MARCHF1: variants seen among roughly 807,000 people sequenced by gnomAD.
MARCHF1 encodes the protein membrane associated ring-CH-type finger 1.
In MARCHF1, 40 loss-of-function variants were observed where a neutral mutation model predicts 54.2. That is an observed-to-expected ratio of 0.74 (90% confidence interval 0.57 to 0.96). MARCHF1 has a LOEUF of 0.96. MARCHF1 is among the 40% of genes least tolerant of loss of function. MARCHF1 has a pLI of 0.00. For synonymous variants in MARCHF1, 236 were observed against 236.3 expected (o/e 1.00, Z 0.01); for missense variants, 586 against 656.5 (o/e 0.89, Z 1.17).
At chr4:163,991,609 A>G (rs1752968713) in intron 2 of MARCHF1, among the ~76,000 whole-genome samples, 2 of 152,180 alleles carry the variant, frequency 1.3e-5, no homozygotes, top group Non-Finnish European at 2.9e-5. Context: ...CCAGCAACTG[A>G]GCACTGACAG....
At chr4:164,186,010 A>G (rs951936487) in intron 1 of MARCHF1, among the ~76,000 whole-genome samples, 16 of 152,146 alleles carry the variant, frequency 1.1e-4, no homozygotes, top group African/African-American at 3.1e-4. Context: ...CTCCTGCCTC[A>G]GCCTCCAGAG....
intron 1 of MARCHF1, among the ~76,000 whole-genome samples, chr4:164,333,831 C>T (rs766517730): frequency 2.6e-5 from 4 of 152,134 alleles, no homozygotes; most frequent in African/African-American, 9.7e-5. Flanking sequence ...AAACAAGTTG[C>T]GAATGCAAAG....
chr4:163,790,334 G>A, intron 4 of MARCHF1, among the ~76,000 whole-genome samples: 1 of 152,024 alleles, frequency 6.6e-6, no homozygotes, highest in East Asian at 1.9e-4. Flanking sequence ...AATGGTAGTG[G>A]CTCTTTTAAA....
intron 4 of MARCHF1, among the ~76,000 whole-genome samples, chr4:163,848,928 C>T (rs562664136): frequency 6.0e-4 from 92 of 152,146 alleles, no homozygotes; most frequent in Non-Finnish European, 1.2e-3. Flanking sequence ...CATAAAACGG[C>T]GGTGAGACTG....
At chr4:164,186,693 G>T (rs1186915413) in intron 1 of MARCHF1, among the ~76,000 whole-genome samples, 3 of 152,194 alleles carry the variant, frequency 2.0e-5, no homozygotes, top group African/African-American at 7.2e-5. Flanking sequence ...TCAGGGCAAT[G>T]TTGAGCTATT....
chr4:164,298,951 G>A (rs909280813), intron 1 of MARCHF1, among the ~76,000 whole-genome samples: 16 of 151,940 alleles, frequency 1.1e-4, no homozygotes, highest in African/African-American at 3.9e-4. Context: ...GACAACAAAA[G>A]GTCTAAATAA....
intron 2 of MARCHF1, among the ~76,000 whole-genome samples, chr4:164,067,063 T>C (rs899535690): frequency 6.6e-6 from 1 of 152,176 alleles, no homozygotes; most frequent in African/African-American, 2.4e-5. Context: ...AATTTTCCTC[T>C]TAATACTGCT....
intron 4 of MARCHF1, among the ~76,000 whole-genome samples, chr4:163,766,037 C>T (rs1450591334): frequency 6.6e-6 from 1 of 150,976 alleles, no homozygotes; most frequent in African/African-American, 2.4e-5. Context: ...TTGTGAGTTT[C>T]TTTCTATGAT....
chr4:164,217,538 C>T (rs1391795136), intron 1 of MARCHF1, among the ~76,000 whole-genome samples: 1 of 152,128 alleles, frequency 6.6e-6, no homozygotes. Flanking sequence ...CAAAACCAGT[C>T]ATTTTAATCA....
Position 163,545,632 on chromosome 4 carries a change from G to A in MARCHF1, c.1303C>T (p.Arg435Trp). The stretch of plus-strand genomic sequence containing the variant: ...CCTTGCTTGATTTCCTCCGCTGTCC[G>A]GTCTATCAATACATACAAAGACCAA... Reference protein sequence around the residue: ...VVWSLYVLIDRTAEEIKQGND... With the variant: ...VVWSLYVLIDWTAEEIKQGND... Residue 435 changes from arginine to tryptophan, a missense_variant, in exon 9 of 10, where the codon CGG becomes TGG. Around this residue, in one of 3 missense-constraint regions of MARCHF1, gnomAD observed 93 missense variants for 168.2 expected, o/e 0.55. Transcript: ENST00000514618. The A allele has an allele frequency of 1.2e-6, 2 of 1,613,710 alleles. No homozygotes were observed. The highest frequency in any genetic ancestry group is 1.1e-5 in the South Asian group (1 of 90,998).
At chr4:163,811,970 C>G (rs148245304) in intron 4 of MARCHF1, among the ~76,000 whole-genome samples, 1 of 152,042 alleles carries the variant, frequency 6.6e-6, no homozygotes, top group Non-Finnish European at 1.5e-5. Context: ...ATGACTCTCC[C>G]CAATGTGGTG....
At chr4:163,727,246 T>G (rs1406717228) in intron 4 of MARCHF1, among the ~76,000 whole-genome samples, 3 of 152,228 alleles carry the variant, frequency 2.0e-5, no homozygotes, top group African/African-American at 7.2e-5. Context: ...CATTTAGGTC[T>G]TTGATCCATT....
Position 163,542,892 on chromosome 4 carries a change from T to G in MARCHF1, c.1339+2704A>C, listed in dbSNP as rs1738765611. 2.6e-5 allele frequency among the ~76,000 whole-genome samples: 4 copies of G among 152,300 alleles called. No individual in the cohort carries two copies. The South Asian group carries it at 8.3e-4, about 32-fold the overall frequency. On this transcript the variant is annotated intron_variant, in intron 9 of 9. Coordinates refer to ENST00000514618, the MANE Select transcript of MARCHF1 (RefSeq NM_001394959.1). ...AGAGGAAGTGATGTTTAAGGTAAAC[T>G]GCAAAGGCTGAGTTGGGATGAGGGA... is the stretch of plus-strand genomic sequence containing the variant.
intron 2 of MARCHF1, among the ~76,000 whole-genome samples, chr4:164,070,184 G>A (rs964666229): frequency 6.6e-6 from 1 of 152,164 alleles, no homozygotes; most frequent in Non-Finnish European, 1.5e-5. Context: ...CTATCTGGGT[G>A]CAATATACCC....
At chr4:163,560,823 G>T (rs1208127071) in intron 8 of MARCHF1, among the ~76,000 whole-genome samples, 2 of 152,072 alleles carry the variant, frequency 1.3e-5, no homozygotes. Flanking sequence ...ACAATAGTTT[G>T]CTTTTAGTGT....
intron 3 of MARCHF1, among the ~76,000 whole-genome samples, chr4:163,903,571 T>C (rs926148351): frequency 1.3e-5 from 2 of 152,046 alleles, no homozygotes; most frequent in Non-Finnish European, 2.9e-5. Context: ...CATAAACTTT[T>C]TTTTATTCTC....
chr4:164,343,032 T>C (rs546000376), intron 1 of MARCHF1, among the ~76,000 whole-genome samples: 3 of 152,240 alleles, frequency 2.0e-5, no homozygotes, highest in African/African-American at 7.2e-5. Flanking sequence ...TTTTCAGTTA[T>C]AAAATAAATA....
chr4:164,287,176 A>C (rs1352589185), intron 1 of MARCHF1, among the ~76,000 whole-genome samples: 1 of 150,318 alleles, frequency 6.7e-6, no homozygotes, highest in East Asian at 1.9e-4. Flanking sequence ...TAATAAATGA[A>C]GTCTGAATTA....
intron 4 of MARCHF1, among the ~76,000 whole-genome samples, chr4:163,805,615 A>G (rs1191338323): frequency 6.6e-6 from 1 of 152,218 alleles, no homozygotes; most frequent in Admixed American, 6.5e-5. Context: ...TAAACATGTG[A>G]GAACATCAGG....
Sources: allele counts gnomAD v4.1 joint callset (sites outside exome capture counted in the v4.1 genomes callset), GRCh38; gene constraint gnomAD v4.1.1; regional missense constraint gnomAD v4.1.1; transcripts MANE v1.5; gene names NCBI Gene and HGNC (gene_info 2026-07-23, HGNC 2026-07-21).